CETN3: variants seen among roughly 807,000 people sequenced by gnomAD.
The protein encoded by CETN3 is centrin 3.
Under a neutral mutation model 20.1 loss-of-function variants are expected in CETN3, and 17 were observed. The ratio of observed to expected loss-of-function variants is 0.85; its 90% CI spans 0.58 to 1.27. The LOEUF (loss-of-function observed/expected upper bound fraction) is 1.27, where lower values mean the gene tolerates loss of function less well. Among genes scored for constraint, CETN3 ranks in the 50% most tolerant of loss-of-function variants. CETN3 has a pLI of 0.00. For synonymous variants in CETN3, 52 were observed against 59.7 expected (o/e 0.87, Z 0.59); for missense variants, 169 against 191.2 (o/e 0.88, Z 0.69).
intron 1 of CETN3, among the ~76,000 whole-genome samples, chr5:90,409,382 A>T (rs1749559311): frequency 6.6e-6 from 1 of 152,160 alleles, no homozygotes; most frequent in African/African-American, 2.4e-5. Flanking sequence ...CCTCGCTCGC[A>T]ACTAAGCCCA....
chr5:90,403,956 T>C (rs1487936271), intron 3 of CETN3, among the ~76,000 whole-genome samples: 1 of 151,686 alleles, frequency 6.6e-6, no homozygotes, highest in Non-Finnish European at 1.5e-5. Flanking sequence ...TGTAAAATTA[T>C]TAGTGATGAT....
Position 90,409,745 on chromosome 5 carries a change from G to C in CETN3, c.-84C>G. 2.0e-6 allele frequency: 3 copies of C among 1,520,412 alleles called. No homozygotes were observed. Among genetic ancestry groups the C allele is most frequent in the Non-Finnish European group, 2.7e-6 (3 of 1,095,380 alleles). 94.2% of individuals were successfully genotyped at this position (1,520,412 alleles called of 1,614,324 possible). A position where few individuals can be genotyped will look rare whatever the true frequency, so the allele number is the denominator to read the frequency against. ...GCAAGACGCCCACAGCCGTTCAACAGACACGAACGACCTCAGCGGCCTCAG... is the reference window on the plus strand; with the variant it reads ...GCAAGACGCCCACAGCCGTTCAACACACACGAACGACCTCAGCGGCCTCAG... On this transcript the variant is annotated 5_prime_UTR_variant, in exon 1 of 5. Coordinates refer to ENST00000283122, the MANE Select transcript of CETN3 (RefSeq NM_004365.4).
intron 2 of CETN3, among the ~76,000 whole-genome samples, chr5:90,406,423 C>G (rs1280435040): frequency 6.6e-6 from 1 of 151,182 alleles, no homozygotes; most frequent in Non-Finnish European, 1.5e-5. Flanking sequence ...CGAATAGGTT[C>G]GAAGGACAAT....
chr5:90,400,752 TCTA>T (rs1749268297), intron 3 of CETN3, among the ~76,000 whole-genome samples: 1 of 152,144 alleles, frequency 6.6e-6, no homozygotes, highest in Admixed American at 6.5e-5. Context: ...TATTATATCA[TCTA>T]CACATATTTT....
intron 3 of CETN3, 194 bp downstream of exon 3, chr5:90,405,491 C>T (rs1350762943): frequency 1.9e-6 from 1 of 533,600 alleles, no homozygotes; most frequent in African/African-American, 2.0e-5. Flanking sequence ...AAAGACAAAA[C>T]TATAAATCTC....
At chr5:90,395,124 A>G (rs1488206632) in intron 4 of CETN3, among the ~76,000 whole-genome samples, 3 of 152,158 alleles carry the variant, frequency 2.0e-5, no homozygotes, top group Non-Finnish European at 4.4e-5. Context: ...ACACTGAACT[A>G]TGAGATGATG....
chr5:90,396,026 A>C (rs1399814879), intron 4 of CETN3: 7 of 894,628 alleles, frequency 7.8e-6, no homozygotes, highest in African/African-American at 3.6e-5. Flanking sequence ...TTGAAAAAAA[A>C]TCCTTCACAA....
chr5:90,403,763 T>G (rs921729174), intron 3 of CETN3, among the ~76,000 whole-genome samples: 2 of 145,088 alleles, frequency 1.4e-5, no homozygotes, highest in Non-Finnish European at 3.0e-5. Flanking sequence ...CCCAGCTACT[T>G]GGGAGGCTGA....
At chr5:90,406,444 G>C (rs912749111) in intron 2 of CETN3, among the ~76,000 whole-genome samples, 1 of 151,436 alleles carries the variant, frequency 6.6e-6, no homozygotes, top group Admixed American at 6.6e-5. Context: ...GAACAGAGCA[G>C]TTTACCTCAC....
In CETN3 at chr5:90,392,394, C is replaced by T. The variant is rs1019902410; in HGVS notation, c.*1670G>A. The T allele has an allele frequency of 6.6e-6, 1 of 152,102 alleles. No homozygotes were observed. Among genetic ancestry groups the T allele is most frequent in the African/African-American group, 2.4e-5 (1 of 41,404 alleles). 9.4% of individuals were successfully genotyped at this position (152,102 alleles called of 1,614,324 possible). A position where few individuals can be genotyped will look rare whatever the true frequency, so the allele number is the denominator to read the frequency against. ...GTTGCCCTGAATATAATGACTGTGA[C>T]CATTGAATTTGTATTCAAAATTAAG... On this transcript the variant is annotated 3_prime_UTR_variant, in exon 5 of 5. Transcript: ENST00000283122.
chr5:90,397,374 T>C (rs892115568), intron 4 of CETN3, among the ~76,000 whole-genome samples: 2 of 152,152 alleles, frequency 1.3e-5, no homozygotes, highest in Non-Finnish European at 2.9e-5. Flanking sequence ...AAAATAAGCT[T>C]TGGTAAAACA....
In CETN3 at chr5:90,409,740, C is replaced by T. The variant is rs1247860223; in HGVS notation, c.-79G>A. 2.6e-6 allele frequency: 4 copies of T among 1,561,848 alleles called. No homozygotes were observed. Among genetic ancestry groups the T allele is most frequent in the Non-Finnish European group, 3.5e-6 (4 of 1,133,160 alleles). On this transcript the variant is annotated 5_prime_UTR_variant, in exon 1 of 5. Coordinates refer to ENST00000283122, the MANE Select transcript of CETN3 (RefSeq NM_004365.4). Reference sequence around the variant, plus strand: ...AGGCAGCAAGACGCCCACAGCCGTTCAACAGACACGAACGACCTCAGCGGC... The same window carrying T: ...AGGCAGCAAGACGCCCACAGCCGTTTAACAGACACGAACGACCTCAGCGGC...
chr5:90,397,583 T>C (rs574807497), intron 4 of CETN3, among the ~76,000 whole-genome samples: 1 of 152,254 alleles, frequency 6.6e-6, no homozygotes, highest in South Asian at 2.1e-4. Flanking sequence ...GAATTGGAAG[T>C]TCCAACTGAG....
chr5:90,407,844 GGAAA>G lies in CETN3; in HGVS notation c.18-14_18-11del. ...CACTACAAGCTCACTTCTATGAAAT[GGAAA>G]GAAAAAGCCCTTAGTCCACTTTAAT... On this transcript the variant is annotated splice_polypyrimidine_tract_variant and intron_variant, in intron 1 of 4. Transcript: ENST00000283122. 2 of 1,554,482 alleles carry G rather than the reference GGAAA, an allele frequency of 1.3e-6. No individual in the cohort carries two copies. Among genetic ancestry groups the G allele is most frequent in the Non-Finnish European group, 8.7e-7 (1 of 1,155,010 alleles).
intron 4 of CETN3, chr5:90,396,701 G>C: frequency 1.7e-6 from 1 of 573,926 alleles, no homozygotes; most frequent in Non-Finnish European, 2.7e-6. Context: ...ACTTTTTCTT[G>C]ATCTGTAAAA....
intron 1 of CETN3, among the ~76,000 whole-genome samples, chr5:90,408,844 A>G (rs1288595148): frequency 1.3e-5 from 2 of 150,408 alleles, no homozygotes; most frequent in South Asian, 2.1e-4. Flanking sequence ...TAGGTGCAGT[A>G]TAACAAAGCT....
At chr5:90,406,846 AAAAAAAAAAC>A (rs1235034089) in intron 2 of CETN3, among the ~76,000 whole-genome samples, 1 of 144,312 alleles carries the variant, frequency 6.9e-6, no homozygotes, top group Non-Finnish European at 1.5e-5. Flanking sequence ...TAACCAAAAA[AAAAAAAAAAC>A]AAAAAAAACA....
At chr5:90,406,840 CAAAAAAAAAAA>C (rs762527758) in intron 2 of CETN3, among the ~76,000 whole-genome samples, 1 of 61,728 alleles carries the variant, frequency 1.6e-5, no homozygotes, top group Non-Finnish European at 3.0e-5. Context: ...TCTGGGTAAC[CAAAAAAAAAAA>C]AAAACAAAAA....
At chr5:90,405,371 G>C (rs542853852) in intron 3 of CETN3, 4 of 331,054 alleles carry the variant, frequency 1.2e-5, no homozygotes, top group South Asian at 1.3e-4. Context: ...ATAATTTTTT[G>C]ATCACCCTTC....
Sources: gnomAD v4.1 joint callset for allele counts (sites outside exome capture counted in the v4.1 genomes callset) on GRCh38, gnomAD v4.1.1 for gene constraint, MANE v1.5 for transcripts, NCBI Gene and HGNC (gene_info 2026-07-23, HGNC 2026-07-21) for gene names.